NUP43: variants seen among roughly 807,000 people sequenced by gnomAD.
NUP43 encodes nucleoporin 43.
Under a neutral mutation model 47.3 loss-of-function variants are expected in NUP43, and 32 were observed. That is an observed-to-expected ratio of 0.68 (90% CI 0.51 to 0.91). The LOEUF (loss-of-function observed/expected upper bound fraction) is 0.91, where lower values mean the gene tolerates loss of function less well. NUP43 is among the 40% of genes least tolerant of loss of function. The pLI is 0.00. For missense variants in NUP43, 444 were observed against 453.9 expected, an observed-to-expected ratio of 0.98 and a Z score of 0.20; for synonymous variants, 147 against 158.4, an observed-to-expected ratio of 0.93 and a Z score of 0.54.
chr6:149,738,139 C>T (rs1408846352), intron 5 of NUP43, among the ~76,000 whole-genome samples: 1 of 152,166 alleles, frequency 6.6e-6, no homozygotes, highest in African/African-American at 2.4e-5. Context: ...GTAAGATGTA[C>T]AAATCACATT....
At chr6:149,745,673 T>C (rs1275682283) in intron 2 of NUP43, among the ~76,000 whole-genome samples, 1 of 152,152 alleles carries the variant, frequency 6.6e-6, no homozygotes, top group East Asian at 1.9e-4. Flanking sequence ...CATGCAACAA[T>C]AATTAATTTT....
chr6:149,741,704 A>G (rs1785667000), intron 4 of NUP43, among the ~76,000 whole-genome samples: 1 of 151,664 alleles, frequency 6.6e-6, no homozygotes, highest in South Asian at 2.1e-4. Context: ...ACGGATTTTC[A>G]CCACGTTGGC....
chr6:149,746,260 G>A, intron 1 of NUP43, 116 bp downstream of exon 1: 2 of 1,473,358 alleles, frequency 1.4e-6, no homozygotes, highest in South Asian at 1.3e-5. Flanking sequence ...CAGGGGTCCG[G>A]GGGACCTAAA....
At chr6:149,734,341 TAAAA>T (rs1349628883) in intron 6 of NUP43, among the ~76,000 whole-genome samples, 1 of 148,892 alleles carries the variant, frequency 6.7e-6, no homozygotes, top group Non-Finnish European at 1.5e-5. Flanking sequence ...CTACAAAAAA[TAAAA>T]AATTAGCCGG....
intron 4 of NUP43, among the ~76,000 whole-genome samples, chr6:149,740,796 G>A (rs1211088396): frequency 1.3e-5 from 2 of 152,178 alleles, no homozygotes; most frequent in Admixed American, 6.5e-5. Flanking sequence ...CCTAAAAGAT[G>A]TAACTTCTGT....
At chr6:149,734,704 A>G (rs954919486) in intron 6 of NUP43, among the ~76,000 whole-genome samples, 2 of 151,336 alleles carry the variant, frequency 1.3e-5, no homozygotes, top group African/African-American at 4.9e-5. Flanking sequence ...AGGCTGAGGC[A>G]GAAGAATGGC....
At chr6:149,745,792 TA>T in intron 2 of NUP43, 147 bp downstream of exon 2, 1 of 588,106 alleles carries the variant, frequency 1.7e-6, no homozygotes, top group Non-Finnish European at 2.8e-6. Context: ...ACTAAATGGC[TA>T]AATGATGTTG....
intron 1 of NUP43, 97 bp from the exon 2 acceptor site, chr6:149,746,159 T>A: frequency 7.0e-7 from 1 of 1,421,394 alleles, no homozygotes; most frequent in Non-Finnish European, 9.7e-7. Context: ...CCAAAACATC[T>A]CAAATGGTAT....
chr6:149,727,063 G>C lies in NUP43; in HGVS notation c.1049C>G (p.Ser350Cys). 1 of 1,614,140 alleles carries C rather than the reference G, an allele frequency of 6.2e-7. No individual in the cohort carries two copies. The highest frequency in any genetic ancestry group is 8.5e-7 in the Non-Finnish European group (1 of 1,179,986). Reference protein sequence around the residue: ...IEITSLLPSRSLSVNTLDVLG... With the variant: ...IEITSLLPSRCLSVNTLDVLG... ...AACATCCAAAGTGTTCACAGACAGA[G>C]ACCTACTGGGAAGTAAGCTTGTGAT... Residue 350 changes from serine (S) to cysteine (C), a missense_variant, in exon 8 of 8, where the codon TCT (serine) becomes TGT (cysteine). Coordinates refer to ENST00000340413, the MANE Select transcript of NUP43 (RefSeq NM_198887.3).
chr6:149,729,119 T>A (rs146055941), intron 7 of NUP43, among the ~76,000 whole-genome samples: 2 of 151,694 alleles, frequency 1.3e-5, no homozygotes, highest in African/African-American at 4.8e-5. Flanking sequence ...GCCTCCAGAG[T>A]AGCTGGGATT....
At chr6:149,747,595 C>T (rs1024636178), upstream of NUP43, among the ~76,000 whole-genome samples, 2 of 151,940 alleles carry the variant, frequency 1.3e-5, no homozygotes, top group Non-Finnish European at 2.9e-5. Context: ...ATCTAGACCA[C>T]TAATGACATA....
chr6:149,746,543 G>A (rs746463841), upstream of NUP43: 65 of 1,613,622 alleles, frequency 4.0e-5, 3 homozygotes, highest in Admixed American at 8.2e-4. Context: ...CACAGTACGC[G>A]CCTCTCAGCA....
intron 3 of NUP43, 40 bp downstream of exon 3, chr6:149,743,598 A>G: frequency 1.0e-5 from 1 of 95,864 alleles, no homozygotes; most frequent in Non-Finnish European, 1.5e-5. Flanking sequence ...ACTCCATTTC[A>G]AAAAAAAAAA....
At chr6:149,731,439 A>G in intron 7 of NUP43, 174 bp downstream of exon 7, 4 of 481,712 alleles carry the variant, frequency 8.3e-6, no homozygotes, top group Non-Finnish European at 1.5e-5. Context: ...GTGCATGACT[A>G]GTAGTCCTGG....
chr6:149,746,587 AC>A (rs777635100), upstream of NUP43: 51 of 1,611,026 alleles, frequency 3.2e-5, no homozygotes, highest in Non-Finnish European at 4.2e-5. Flanking sequence ...ATTGGATGGG[AC>A]TTTAGGACGG....
chr6:149,727,513 A>C, intron 7 of NUP43: 1 of 985,092 alleles, frequency 1.0e-6, no homozygotes, highest in South Asian at 4.7e-5. Flanking sequence ...CCAGCATACA[A>C]GTTGAATAAG....
intron 4 of NUP43, among the ~76,000 whole-genome samples, chr6:149,739,419 T>C (rs1056989316): frequency 6.6e-6 from 1 of 152,006 alleles, no homozygotes; most frequent in Non-Finnish European, 1.5e-5. Flanking sequence ...CTCTAGTACC[T>C]GGGATTACAG....
At chr6:149,730,094 C>CT (rs1784957733) in intron 7 of NUP43, among the ~76,000 whole-genome samples, 1 of 151,726 alleles carries the variant, frequency 6.6e-6, no homozygotes, top group East Asian at 1.9e-4. Flanking sequence ...GCTGAAACCT[C>CT]TGTCTCCTGG....
In NUP43 at chr6:149,746,205, G is replaced by A. The variant is rs774475194; in HGVS notation, c.121-143C>T. ...AAACACAACGAGATACGAGGCTCAG[G>A]CATGCCATCACCGGCTCTGAGCTAC... On this transcript the variant is annotated intron_variant, in intron 1 of 7. Coordinates refer to ENST00000340413, the MANE Select transcript of NUP43 (RefSeq NM_198887.3). 6 of 1,302,280 alleles carry A rather than the reference G, an allele frequency of 4.6e-6. No homozygotes were observed. The Admixed American group carries it at 6.0e-5, about 13-fold the overall frequency. 80.7% of individuals were successfully genotyped at this position (1,302,280 alleles called of 1,614,324 possible). A position where few individuals can be genotyped will look rare whatever the true frequency, so the allele number is the denominator to read the frequency against.
Sources: allele counts gnomAD v4.1 joint callset (sites outside exome capture counted in the v4.1 genomes callset), GRCh38; gene constraint gnomAD v4.1.1; transcripts MANE v1.5; gene names NCBI Gene and HGNC (gene_info 2026-07-23, HGNC 2026-07-21).